Variants in TOMM70 observed in about 807,000 individuals in gnomAD.
TOMM70 encodes the protein mitochondrial import receptor subunit TOM70.
TOMM70 carries 13 observed loss-of-function variants against 73.6 expected under a neutral mutation model. The observed-to-expected ratio is 0.18, with a 90% confidence interval of 0.11 to 0.28. The LOEUF is 0.28. Among genes scored for constraint, TOMM70 ranks in the 10% least tolerant of loss-of-function variants. TOMM70 has a pLI of 1.00. For missense variants in TOMM70, 609 were observed against 747.5 expected (o/e 0.81, Z 2.16); for synonymous variants, 257 against 271.2 (o/e 0.95, Z 0.51).
chr3:100,365,436 CAAAT>C lies in TOMM70; in HGVS notation c.*124_*127del, dbSNP rs1318493847. ...ACACCTAGACATGAAACAGATGTAA[CAAAT>C]AACAACACCACAAACAGAAATACTG... On this transcript the variant is annotated 3_prime_UTR_variant, in exon 12 of 12. Coordinates refer to ENST00000284320, the MANE Select transcript of TOMM70 (RefSeq NM_014820.5). 14 of 1,396,890 alleles carry C rather than the reference CAAAT, an allele frequency of 1.0e-5. No homozygotes were observed. Among genetic ancestry groups the C allele is most frequent in the Non-Finnish European group, 1.3e-5 (13 of 1,029,846 alleles). 86.5% of individuals were successfully genotyped at this position (1,396,890 alleles called of 1,614,324 possible).
At chr3:100,367,473 C>A (rs1004762929) in intron 11 of TOMM70, among the ~76,000 whole-genome samples, 3 of 152,100 alleles carry the variant, frequency 2.0e-5, no homozygotes, top group African/African-American at 7.2e-5. Context: ...TACTGTGCAA[C>A]CTTGTAAACC....
In TOMM70 at chr3:100,373,581, C is replaced by G. The variant is rs756170401; in HGVS notation, c.1292G>C (p.Arg431Thr). 6.2e-7 allele frequency: 1 copy of G among 1,612,792 alleles called. No homozygotes were observed. Among genetic ancestry groups the G allele is most frequent in the Non-Finnish European group, 8.5e-7 (1 of 1,179,366 alleles). The part of the protein sequence containing the change: ...VADFDECIRL[R>T]PESALAQAQK... ...TGCTTGTGCCAGAGCAGACTCAGGT[C>G]TTAACCTAATACATTCATCAAAATC... Residue 431 changes from arginine to threonine, a missense_variant, in exon 8 of 12, where the codon AGA becomes ACA. Arg to Thr is a moderately conservative substitution (Grantham distance 71). Coordinates refer to ENST00000284320, the MANE Select transcript of TOMM70 (RefSeq NM_014820.5).
chr3:100,364,433 T>A lies in TOMM70; in HGVS notation c.*1131A>T, dbSNP rs1357562509. The A allele has an allele frequency of 6.6e-6, 1 of 152,232 alleles. No homozygotes were observed. The allele number at this position is 152,232 out of a possible 1,614,324, so 9.4% of individuals were successfully genotyped here. A position where few individuals can be genotyped will look rare whatever the true frequency, so the allele number is the denominator to read the frequency against. On this transcript the variant is annotated 3_prime_UTR_variant, in exon 12 of 12. Coordinates refer to ENST00000284320, the MANE Select transcript of TOMM70 (RefSeq NM_014820.5). ...CCAAGTCTTACATCCTTTTTGACCCTTTAGCCACATGTCCTTCACGAGAAA... is the reference window on the plus strand; with the variant it reads ...CCAAGTCTTACATCCTTTTTGACCCATTAGCCACATGTCCTTCACGAGAAA...
At chr3:100,387,901 C>T (rs555009462) in intron 1 of TOMM70, among the ~76,000 whole-genome samples, 58 of 152,260 alleles carry the variant, frequency 3.8e-4, no homozygotes, top group African/African-American at 1.3e-3. Flanking sequence ...TTCAAAAAGG[C>T]TGCAGTACTT....
In TOMM70 at chr3:100,400,723, C is replaced by G; in HGVS notation, c.227G>C (p.Gly76Ala). 1 of 1,608,386 alleles carries G rather than the reference C, an allele frequency of 6.2e-7. No homozygotes were observed. The stretch of plus-strand genomic sequence containing the variant: ...CTTCCGTTCGCTGTTGCGCTTCAGG[C>G]CGCTGGCGTCGCCCCGGCCTCTGGC... ...REARGRGDASGLKRNSERKTP... is the reference protein window; with the variant it reads ...REARGRGDASALKRNSERKTP... The change falls in exon 1 of 12, where the codon GGC (glycine) becomes GCC (alanine). Residue 76 changes from glycine to alanine, a missense_variant. Coordinates refer to ENST00000284320, the MANE Select transcript of TOMM70 (RefSeq NM_014820.5).
chr3:100,371,621 A>G (rs905173448), intron 9 of TOMM70, among the ~76,000 whole-genome samples: 1 of 152,144 alleles, frequency 6.6e-6, no homozygotes, highest in Non-Finnish European at 1.5e-5. Context: ...GAAAAACCCA[A>G]CATGTCTTTT....
At chr3:100,379,726 C>T (rs1259325261) in intron 5 of TOMM70, among the ~76,000 whole-genome samples, 2 of 152,166 alleles carry the variant, frequency 1.3e-5, no homozygotes, top group African/African-American at 4.8e-5. Context: ...AAGCAATCCT[C>T]CCACCTCAGC....
At position 100,372,473 on chromosome 3, in the gene TOMM70, A is replaced by G. The variant is rs536683301; in HGVS notation, c.1452+133T>C. The G allele has an allele frequency of 1.1e-4, 78 of 678,764 alleles. 2 individuals are homozygous for G. The East Asian group carries it at 2.0e-3, about 17-fold the overall frequency. 42.0% of individuals were successfully genotyped at this position (678,764 alleles called of 1,614,324 possible). A position where few individuals can be genotyped will look rare whatever the true frequency, so the allele number is the denominator to read the frequency against. On this transcript the variant is annotated intron_variant, in intron 9 of 11. Coordinates refer to ENST00000284320, the MANE Select transcript of TOMM70 (RefSeq NM_014820.5). ...GGTGATTCGGGACCAACCAGGGGCC[A>G]TGAGAATCAATCAGGAACAAAGCCA...
At chr3:100,377,955 A>T in intron 5 of TOMM70, 43 bp from the exon 6 acceptor site, 1 of 1,565,358 alleles carries the variant, frequency 6.4e-7, no homozygotes, top group East Asian at 2.3e-5. Flanking sequence ...ACTAAGAAAA[A>T]ATTAAATGTG....
intron 5 of TOMM70, among the ~76,000 whole-genome samples, chr3:100,380,374 CAA>C (rs1378730625): frequency 6.6e-6 from 1 of 151,834 alleles, no homozygotes; most frequent in Admixed American, 6.6e-5. Context: ...AAAACACAAA[CAA>C]TGATTAAATC....
chr3:100,389,891 A>G (rs1054886921), intron 1 of TOMM70, among the ~76,000 whole-genome samples: 2 of 152,108 alleles, frequency 1.3e-5, no homozygotes, highest in South Asian at 2.1e-4. Flanking sequence ...AAATAGAAAA[A>G]TTAGCCAGGA....
At chr3:100,368,011 A>G in intron 11 of TOMM70, 33 bp downstream of exon 11, 2 of 1,599,874 alleles carry the variant, frequency 1.3e-6, no homozygotes, top group Non-Finnish European at 1.7e-6. Context: ...CTATGGAGCT[A>G]CCATATATTT....
chr3:100,365,486 T>G lies in TOMM70; in HGVS notation c.*78A>C. The stretch of plus-strand genomic sequence containing the variant: ...TACTGATTTCCACCATTCAACACAG[T>G]TCATGACAGTGTCTTTAGGGTTCAG... On this transcript the variant is annotated 3_prime_UTR_variant, in exon 12 of 12. Coordinates refer to ENST00000284320, the MANE Select transcript of TOMM70 (RefSeq NM_014820.5). The G allele has an allele frequency of 1.9e-6, 3 of 1,583,284 alleles. No individual in the cohort carries two copies. The highest frequency in any genetic ancestry group is 2.6e-6 in the Non-Finnish European group (3 of 1,158,250).
chr3:100,376,331 G>GTGT (rs1706563906), intron 6 of TOMM70, among the ~76,000 whole-genome samples: 1 of 144,768 alleles, frequency 6.9e-6, no homozygotes, highest in Admixed American at 6.9e-5. Flanking sequence ...GTTGTGTGAT[G>GTGT]TGTTTTCTCC....
chr3:100,394,490 A>G (rs942319744), intron 1 of TOMM70, among the ~76,000 whole-genome samples: 2 of 148,614 alleles, frequency 1.3e-5, no homozygotes, highest in African/African-American at 4.9e-5. Flanking sequence ...CTTATTGACC[A>G]ATTGTTACTT....
intron 1 of TOMM70, among the ~76,000 whole-genome samples, chr3:100,396,654 A>G (rs1441495058): frequency 2.0e-5 from 3 of 152,164 alleles, no homozygotes; most frequent in Non-Finnish European, 4.4e-5. Context: ...TGCAATTTAA[A>G]ATTTTTTTTT....
chr3:100,382,692 A>G (rs1312975247), intron 4 of TOMM70, among the ~76,000 whole-genome samples: 1 of 152,212 alleles, frequency 6.6e-6, no homozygotes, highest in Admixed American at 6.5e-5. Context: ...ATAAATCATT[A>G]ATGTTTTTTA....
intron 11 of TOMM70, 72 bp from the exon 12 acceptor site, chr3:100,365,789 T>C: frequency 6.4e-7 from 1 of 1,559,586 alleles, no homozygotes; most frequent in East Asian, 2.3e-5. Flanking sequence ...TTGTAAGTGA[T>C]GGTACATGAA....
chr3:100,378,406 A>C (rs1052627766), intron 5 of TOMM70, among the ~76,000 whole-genome samples: 28 of 152,138 alleles, frequency 1.8e-4, no homozygotes, highest in Admixed American at 1.3e-4. Context: ...GGTTAAACAG[A>C]TTAGGATTTT....
Sources: gnomAD v4.1 joint callset for allele counts (sites outside exome capture counted in the v4.1 genomes callset) on GRCh38, gnomAD v4.1.1 for gene constraint, MANE v1.5 for transcripts, NCBI Gene and HGNC (gene_info 2026-07-23, HGNC 2026-07-21) for gene names.